Variants in PCDHGB7 observed in about 807,000 individuals in gnomAD.
The protein encoded by PCDHGB7 is protocadherin gamma subfamily B, 7, also known as protocadherin gamma-B7.
PCDHGB7 carries 37 observed loss-of-function variants against 61.4 expected under a neutral mutation model. That is an observed-to-expected ratio of 0.60 (90% CI 0.46 to 0.79). PCDHGB7 has a LOEUF of 0.79. Ranked by LOEUF, PCDHGB7 falls within the 30% of genes least tolerant of loss-of-function variation. The pLI, the probability that PCDHGB7 is intolerant of heterozygous loss-of-function variation, is 0.00. For synonymous variants in PCDHGB7, 464 were observed against 503.5 expected (o/e 0.92, Z 1.05); for missense variants, 1,166 against 1,202.5 (o/e 0.97, Z 0.45).
Position 141,419,897 on chromosome 5 carries a change from A to G in PCDHGB7, c.2038A>G (p.Thr680Ala). 1.2e-6 allele frequency: 2 copies of G among 1,613,960 alleles called. No homozygotes were observed. The highest frequency in any genetic ancestry group is 2.7e-5 in the African/African-American group (2 of 75,034). ...EVLPDFSDHP[T>A]PSDSQAEMQF... ...ACTGCCGGATTTCAGCGACCATCCC[A>G]CACCCTCTGACTCCCAGGCTGAGAT... The change falls in exon 1 of 4, where the codon ACA (threonine) becomes GCA (alanine). Residue 680 changes from threonine (T) to alanine (A), a missense_variant. Coordinates refer to ENST00000398594, the MANE Select transcript of PCDHGB7 (RefSeq NM_018927.4).
intron 1 of PCDHGB7, chr5:141,484,931 A>G (rs940135310): frequency 1.4e-5 from 7 of 497,998 alleles, no homozygotes; most frequent in Non-Finnish European, 2.5e-5. Flanking sequence ...TGCTGTTGGG[A>G]CGTTCTCTGC....
chr5:141,470,113 A>C (rs1209326739), intron 1 of PCDHGB7, among the ~76,000 whole-genome samples: 1 of 152,126 alleles, frequency 6.6e-6, no homozygotes, highest in Non-Finnish European at 1.5e-5. Context: ...TGAGCAACAG[A>C]GCAAGACTTC....
intron 1 of PCDHGB7, among the ~76,000 whole-genome samples, chr5:141,461,391 G>A (rs1310387476): frequency 1.3e-5 from 2 of 152,058 alleles, no homozygotes; most frequent in East Asian, 1.9e-4. Context: ...GATGATTAGC[G>A]ATGTTGAGCA....
rs2099748976 is a variant in PCDHGB7, at chr5:141,493,566, C to G, written c.2416-1241C>G. Among the ~76,000 whole-genome samples, 1 of 152,168 alleles carries G rather than the reference C, an allele frequency of 6.6e-6. No individual in the cohort carries two copies. Among genetic ancestry groups the G allele is most frequent in the African/African-American group, 2.4e-5 (1 of 41,436 alleles). ...TTTTGGAGATTGAGTTCCCCCAGCT[C>G]CGTTTCCTCCTATCACAATCACTGC... is the stretch of plus-strand genomic sequence containing the variant. On this transcript the variant is annotated intron_variant, in intron 1 of 3. Transcript: ENST00000398594. The surrounding 1 kb of genome is among the most constrained non-coding windows in gnomAD (Gnocchi z 4.3).
Position 141,487,500 on chromosome 5 carries a change from C to G in PCDHGB7, c.2416-7307C>G. 6.2e-7 allele frequency: 1 copy of G among 1,614,178 alleles called. No individual in the cohort carries two copies. Among genetic ancestry groups the G allele is most frequent in the East Asian group, 2.2e-5 (1 of 44,862 alleles). Reference sequence around the variant, plus strand: ...CACTCTCATGGCTGTACACCCTTGGCTTCTGCACCCACTCGGAGTGATAGC... The same window carrying G: ...CACTCTCATGGCTGTACACCCTTGGGTTCTGCACCCACTCGGAGTGATAGC... On this transcript the variant is annotated intron_variant, in intron 1 of 3. Coordinates refer to ENST00000398594, the MANE Select transcript of PCDHGB7 (RefSeq NM_018927.4). The surrounding 1 kb of genome is among the most constrained non-coding windows in gnomAD (Gnocchi z 5.0).
intron 2 of PCDHGB7, among the ~76,000 whole-genome samples, chr5:141,505,172 A>C (rs1336105711): frequency 6.6e-6 from 1 of 152,178 alleles, no homozygotes; most frequent in Non-Finnish European, 1.5e-5. Context: ...AAACAAAAAG[A>C]AAAAAGCATC....
intron 1 of PCDHGB7, chr5:141,422,764 G>A: frequency 1.2e-6 from 2 of 1,613,582 alleles, no homozygotes; most frequent in Non-Finnish European, 8.5e-7. Flanking sequence ...CTCCAACACT[G>A]GTGTTCTCTA....
Position 141,432,701 on chromosome 5 carries a change from G to A in PCDHGB7, c.2415+12427G>A, listed in dbSNP as rs200101512. ...GCAGAGCCTCGTAGTGGCCGTCCAG[G>A]ACCACGGCCAGCCCCCTCTCTCCGC... On this transcript the variant is annotated intron_variant, in intron 1 of 3. Coordinates refer to ENST00000398594, the MANE Select transcript of PCDHGB7 (RefSeq NM_018927.4). This position sits in a 1 kb window ranked among gnomAD's most constrained non-coding sequence, Gnocchi z 6.0. The A allele has an allele frequency of 2.7e-5, 44 of 1,613,842 alleles. No homozygotes were observed. The Admixed American group carries it at 5.3e-4, about 20-fold the overall frequency.
Position 141,485,444 on chromosome 5 carries a change from G to T in PCDHGB7, c.2416-9363G>T. 1 of 1,614,108 alleles carries T rather than the reference G, an allele frequency of 6.2e-7. No homozygotes were observed. The highest frequency in any genetic ancestry group is 8.5e-7 in the Non-Finnish European group (1 of 1,180,020). ...AGCCCTGCTCATCAAGAACCCAATC[G>T]ACCGAGAGGCACTGTGTGGGCTCAG... is the stretch of plus-strand genomic sequence containing the variant. On this transcript the variant is annotated intron_variant, in intron 1 of 3. Coordinates refer to ENST00000398594, the MANE Select transcript of PCDHGB7 (RefSeq NM_018927.4). This position sits in a 1 kb window ranked among gnomAD's most constrained non-coding sequence, Gnocchi z 5.7.
At chr5:141,509,968 C>A (rs1450809995) in intron 3 of PCDHGB7, among the ~76,000 whole-genome samples, 1 of 152,166 alleles carries the variant, frequency 6.6e-6, no homozygotes, top group Non-Finnish European at 1.5e-5. Context: ...TGGCCTTGGT[C>A]CTTCTAACAC....
In PCDHGB7 at chr5:141,433,051, G is replaced by A. The variant is rs754102028; in HGVS notation, c.2415+12777G>A. The A allele has an allele frequency of 1.8e-5, 29 of 1,614,066 alleles. No homozygotes were observed. In the East Asian group the frequency reaches 2.5e-4, roughly 14 times the overall value. On this transcript the variant is annotated intron_variant, in intron 1 of 3. Transcript: ENST00000398594. ...AGGTTTCCCTCACCACGGACTCGCG[G>A]AAGAGTCACCTGATCTTCCCCCAGC...
chr5:141,464,773 C>G (rs576769467), intron 1 of PCDHGB7, among the ~76,000 whole-genome samples: 79 of 152,106 alleles, frequency 5.2e-4, no homozygotes, highest in African/African-American at 1.9e-3. Context: ...GAATCTTGTT[C>G]TGTTGCCCAG....
Position 141,485,152 on chromosome 5 carries a change from A to C in PCDHGB7, c.2416-9655A>C. ...CTTCATCCGCGTCTCAGGAGCAAGT[A>C]GAGAATTAGCGGGCGGCAGCAATGC... On this transcript the variant is annotated intron_variant, in intron 1 of 3. Coordinates refer to ENST00000398594, the MANE Select transcript of PCDHGB7 (RefSeq NM_018927.4). The surrounding 1 kb of genome is among the most constrained non-coding windows in gnomAD (Gnocchi z 5.7). 8.8e-6 allele frequency: 14 copies of C among 1,586,038 alleles called. No individual in the cohort carries two copies. The highest frequency in any genetic ancestry group is 1.0e-5 in the Non-Finnish European group (12 of 1,157,128).
At chr5:141,497,129 T>G (rs528066007) in intron 2 of PCDHGB7, among the ~76,000 whole-genome samples, 1 of 151,692 alleles carries the variant, frequency 6.6e-6, no homozygotes, top group Admixed American at 6.6e-5. Flanking sequence ...GAGGTTGCAG[T>G]GAGCTGAGAT....
At chr5:141,441,831 C>T in intron 1 of PCDHGB7, 3 of 352,742 alleles carry the variant, frequency 8.5e-6, no homozygotes, top group South Asian at 7.2e-5. Context: ...AGCGCAATGG[C>T]TTCGCGCTCT....
chr5:141,421,617 C>T, intron 1 of PCDHGB7: 3 of 1,613,768 alleles, frequency 1.9e-6, no homozygotes, highest in African/African-American at 1.3e-5. Context: ...TTAATGATAA[C>T]GCCCCCAGCT....
chr5:141,418,434 C>T lies in PCDHGB7; in HGVS notation c.575C>T (p.Pro192Leu). 3.1e-6 allele frequency: 5 copies of T among 1,613,944 alleles called. No individual in the cohort carries two copies. Among genetic ancestry groups the T allele is most frequent in the Non-Finnish European group, 4.2e-6 (5 of 1,179,874 alleles). Reference protein sequence around the residue: ...EKDNPDGGKYPELVLQKTLDR... With the variant: ...EKDNPDGGKYLELVLQKTLDR... ...GACAATCCTGATGGTGGCAAATATC[C>T]AGAATTAGTATTGCAGAAGACTCTG... is the stretch of plus-strand genomic sequence containing the variant. Residue 192 changes from proline to leucine, a missense_variant, in exon 1 of 4, where the codon CCA (proline) becomes CTA (leucine). Pro to Leu is a moderately conservative substitution (Grantham distance 98, BLOSUM62 -3). Coordinates refer to ENST00000398594, the MANE Select transcript of PCDHGB7 (RefSeq NM_018927.4).
chr5:141,450,817 A>G, intron 1 of PCDHGB7, among the ~76,000 whole-genome samples: 1 of 137,534 alleles, frequency 7.3e-6, no homozygotes, highest in East Asian at 2.1e-4. Context: ...TTTATTTAAT[A>G]TTATTATTAT....
chr5:141,500,258 G>A lies in PCDHGB7; in HGVS notation c.2475-5135G>A, dbSNP rs2099798463. On this transcript the variant is annotated intron_variant, in intron 2 of 3. Coordinates refer to ENST00000398594, the MANE Select transcript of PCDHGB7 (RefSeq NM_018927.4). ...TAGCCTTGCTCTGTCACCCAGGCTG[G>A]ACTGCAGTGGCGCAATCTCGGCTCA... Among the ~76,000 whole-genome samples the A allele has an allele frequency of 2.0e-5, 3 of 150,738 alleles. No homozygotes were observed. In the South Asian group the frequency reaches 6.3e-4, roughly 32 times the overall value.
Sources: gnomAD v4.1 joint callset for allele counts (sites outside exome capture counted in the v4.1 genomes callset) on GRCh38, gnomAD v4.1.1 for gene constraint, Gnocchi (gnomAD v3.1) non-coding constraint, MANE v1.5 for transcripts, NCBI Gene and HGNC (gene_info 2026-07-23, HGNC 2026-07-21) for gene names.